Variants in ASPRV1 observed in about 807,000 individuals in gnomAD.
The protein encoded by ASPRV1 is aspartic peptidase retroviral like 1.
A neutral mutation model predicts 11.0 loss-of-function variants in ASPRV1; 7 were observed. That is an observed-to-expected ratio of 0.64 (90% CI 0.36 to 1.20). The LOEUF (loss-of-function observed/expected upper bound fraction) is 1.20. Among genes scored for constraint, ASPRV1 ranks in the 50% most tolerant of loss-of-function variants. The pLI, the probability that ASPRV1 is intolerant of heterozygous loss-of-function variation, is 0.02. For synonymous variants in ASPRV1, 136 were observed against 138.4 expected, an observed-to-expected ratio of 0.98 and a Z score of 0.12; for missense variants, 299 against 320.0, an observed-to-expected ratio of 0.93 and a Z score of 0.50.
At chr2:70,067,302 T>C in the ASPRV1 span, among the ~76,000 whole-genome samples, 16 of 152,254 alleles carry the variant, frequency 1.1e-4, no homozygotes, top group African/African-American at 3.4e-4. Flanking sequence ...ATGTATATGA[T>C]TGGGCACTGG....
At chr2:70,067,489 C>G in the ASPRV1 span, among the ~76,000 whole-genome samples, 1 of 152,144 alleles carries the variant, frequency 6.6e-6, no homozygotes, top group Admixed American at 6.5e-5. Context: ...ACCTTAATGT[C>G]TTCATAGAAA....
At chr2:70,041,471 G>GA in the ASPRV1 span, among the ~76,000 whole-genome samples, 2 of 150,868 alleles carry the variant, frequency 1.3e-5, no homozygotes, top group African/African-American at 2.4e-5. Flanking sequence ...TTCAAGGATT[G>GA]AAAAAAAAAT....
chr2:69,977,950 G>T, the ASPRV1 span, among the ~76,000 whole-genome samples: 1 of 152,166 alleles, frequency 6.6e-6, no homozygotes, highest in African/African-American at 2.4e-5. Flanking sequence ...CCAGAAGTGG[G>T]TCCATGCCCT....
the ASPRV1 span, among the ~76,000 whole-genome samples, chr2:70,037,367 A>G: frequency 6.6e-6 from 1 of 152,208 alleles, no homozygotes; most frequent in African/African-American, 2.4e-5. Context: ...TCTGTCACTC[A>G]GGCTGGGGCA....
the ASPRV1 span, among the ~76,000 whole-genome samples, chr2:70,058,877 C>A: frequency 6.8e-6 from 1 of 147,382 alleles, no homozygotes. Flanking sequence ...AGTTTTATTA[C>A]CCAACTTTTT....
At chr2:70,028,151 T>C in the ASPRV1 span, among the ~76,000 whole-genome samples, 1 of 152,152 alleles carries the variant, frequency 6.6e-6, no homozygotes, top group African/African-American at 2.4e-5. Flanking sequence ...TTGGGCCACA[T>C]TGGGTGAGGC....
chr2:69,994,432 G>C, the ASPRV1 span, among the ~76,000 whole-genome samples: 1 of 152,194 alleles, frequency 6.6e-6, no homozygotes, highest in Admixed American at 6.5e-5. Flanking sequence ...TGAGAGTCTG[G>C]GAAAGAGCAG....
chr2:69,974,058 C>A, the ASPRV1 span, among the ~76,000 whole-genome samples: 6 of 152,294 alleles, frequency 3.9e-5, no homozygotes, highest in South Asian at 2.1e-4. Context: ...AAAATTATTG[C>A]CAGGCATGGT....
At chr2:70,017,448 TTGAA>T in the ASPRV1 span, among the ~76,000 whole-genome samples, 300 of 152,258 alleles carry the variant, frequency 2.0e-3, 6 homozygotes, top group Non-Finnish European at 7.9e-4. Flanking sequence ...ATAGTGAAAA[TTGAA>T]AGTTTTTTTC....
At chr2:70,054,354 G>T in the ASPRV1 span, among the ~76,000 whole-genome samples, 2 of 151,384 alleles carry the variant, frequency 1.3e-5, no homozygotes, top group African/African-American at 4.9e-5. Flanking sequence ...TTGGGAGGCC[G>T]AGGCGGGTGG....
At chr2:70,068,843 G>A in the ASPRV1 span, among the ~76,000 whole-genome samples, 1 of 150,116 alleles carries the variant, frequency 6.7e-6, no homozygotes, top group Non-Finnish European at 1.5e-5. Context: ...TACTCAGGAG[G>A]TTGAGGCAGG....
At chr2:69,992,045 A>G in the ASPRV1 span, among the ~76,000 whole-genome samples, 1 of 152,142 alleles carries the variant, frequency 6.6e-6, no homozygotes, top group Non-Finnish European at 1.5e-5. Flanking sequence ...CCTATGGGGA[A>G]TGTGACAAGT....
At chr2:70,082,131 C>T in the ASPRV1 span, among the ~76,000 whole-genome samples, 4 of 151,236 alleles carry the variant, frequency 2.6e-5, no homozygotes, top group Non-Finnish European at 5.9e-5. Flanking sequence ...CGCACCATCA[C>T]GCCCAGCTAA....
the ASPRV1 span, among the ~76,000 whole-genome samples, chr2:70,002,619 C>A: frequency 1.3e-5 from 2 of 152,138 alleles, no homozygotes; most frequent in African/African-American, 4.8e-5. Context: ...AGGTTATTGC[C>A]CTCACATCCA....
the ASPRV1 span, among the ~76,000 whole-genome samples, chr2:70,038,916 T>C: frequency 5.3e-5 from 8 of 152,048 alleles, no homozygotes; most frequent in South Asian, 2.1e-4. Flanking sequence ...CTGTCTCTAC[T>C]AAAAATACAA....
chr2:70,070,626 A>G, the ASPRV1 span: 2 of 152,242 alleles, frequency 1.3e-5, no homozygotes, highest in African/African-American at 2.4e-5. Flanking sequence ...TCCTGTCTCT[A>G]CTAAAAAAAT....
chr2:70,016,947 T>C, the ASPRV1 span, among the ~76,000 whole-genome samples: 1 of 151,982 alleles, frequency 6.6e-6, no homozygotes, highest in East Asian at 1.9e-4. Context: ...AATCAATAAA[T>C]ATGATACACC....
chr2:70,026,306 G>A, the ASPRV1 span, among the ~76,000 whole-genome samples: 22 of 151,580 alleles, frequency 1.5e-4, no homozygotes, highest in African/African-American at 5.1e-4. Context: ...CATATGGAAT[G>A]AGAAAAGGAT....
chr2:70,061,529 G>A, the ASPRV1 span, among the ~76,000 whole-genome samples: 9 of 152,266 alleles, frequency 5.9e-5, no homozygotes, highest in East Asian at 1.9e-4. Flanking sequence ...AGGGGTCAAC[G>A]AACTGTGAGC....
Sources: allele counts gnomAD v4.1 joint callset (sites outside exome capture counted in the v4.1 genomes callset), GRCh38; gene constraint gnomAD v4.1.1; transcripts MANE v1.5; gene names NCBI Gene and HGNC (gene_info 2026-07-23, HGNC 2026-07-21).